RASAL2: variants seen among roughly 807,000 people sequenced by gnomAD.
RASAL2 encodes RAS protein activator like 2, also known as ras GTPase-activating protein nGAP.
In RASAL2, 58 loss-of-function variants were observed where a neutral mutation model predicts 128.9. The observed-to-expected ratio is 0.45, with a 90% CI of 0.36 to 0.56. RASAL2 has a LOEUF of 0.56. Among genes scored for constraint, RASAL2 ranks in the 20% least tolerant of loss-of-function variants. The probability of loss-of-function intolerance (pLI) is 0.00; values close to 1 mark genes in which losing one functional copy is unlikely to be tolerated. For synonymous variants in RASAL2, 561 were observed against 580.8 expected (o/e 0.97, Z 0.49); for missense variants, 1,360 against 1,601.6 (o/e 0.85, Z 2.57).
intron 9 of RASAL2, among the ~76,000 whole-genome samples, chr1:178,450,902 T>C (rs1025135658): frequency 6.6e-6 from 1 of 152,200 alleles, no homozygotes; most frequent in African/African-American, 2.4e-5. Context: ...ATACAAGGTA[T>C]GGTGTATACT....
intron 1 of RASAL2, among the ~76,000 whole-genome samples, chr1:178,242,423 T>TTCTCTCTCTC (rs58914415): frequency 2.3e-5 from 2 of 85,174 alleles, no homozygotes; most frequent in Non-Finnish European, 4.7e-5. Context: ...TTATAATTCA[T>TTCTCTCTCTC]TCTCTCTCTC....
intron 4 of RASAL2, among the ~76,000 whole-genome samples, chr1:178,398,334 T>G (rs1264019753): frequency 6.6e-6 from 1 of 152,170 alleles, no homozygotes; most frequent in Non-Finnish European, 1.5e-5. Context: ...TATCAACAAA[T>G]TTTTATATCT....
intron 3 of RASAL2, among the ~76,000 whole-genome samples, chr1:178,368,840 G>A (rs1209876100): frequency 6.6e-6 from 1 of 151,934 alleles, no homozygotes; most frequent in East Asian, 1.9e-4. Context: ...GTCTCACTAT[G>A]TTGCCCATGG....
chr1:178,200,686 G>T (rs944175613), intron 1 of RASAL2, among the ~76,000 whole-genome samples: 1 of 152,170 alleles, frequency 6.6e-6, no homozygotes, highest in Non-Finnish European at 1.5e-5. Context: ...GCCTCGCCAG[G>T]TGTCTACTAT....
intron 3 of RASAL2, among the ~76,000 whole-genome samples, chr1:178,301,666 C>T (rs1667771648): frequency 6.6e-6 from 1 of 152,146 alleles, no homozygotes. Flanking sequence ...CTCCCGACCA[C>T]TGATGATCTG....
chr1:178,094,590 A>G lies in RASAL2; in HGVS notation c.98A>G (p.Asp33Gly), dbSNP rs1486438975. The G allele has an allele frequency of 3.7e-6, 6 of 1,610,526 alleles. No homozygotes were observed. The highest frequency in any genetic ancestry group is 2.2e-5 in the South Asian group (2 of 90,334). ...TCCGACTCGCCGCTGCCCCCGGAGGACCTGGACGCGGTTGTCCCAGTCAGT... is the reference window on the plus strand; with the variant it reads ...TCCGACTCGCCGCTGCCCCCGGAGGGCCTGGACGCGGTTGTCCCAGTCAGT... Reference protein sequence around the residue: ...LESDSPLPPEDLDAVVPVSGA... With the variant: ...LESDSPLPPEGLDAVVPVSGA... The change falls in exon 1 of 18, where the codon GAC becomes GGC. Residue 33 changes from aspartate to glycine, a missense_variant. Physicochemically the swap from Asp to Gly is moderately conservative, Grantham distance 94. Coordinates refer to ENST00000367649, the MANE Select transcript of RASAL2 (RefSeq NM_170692.4).
chr1:178,237,813 T>C (rs1664321343), intron 1 of RASAL2, among the ~76,000 whole-genome samples: 1 of 152,154 alleles, frequency 6.6e-6, no homozygotes, highest in Non-Finnish European at 1.5e-5. Context: ...ACCATCACCA[T>C]CATCCATCTC....
At chr1:178,413,211 C>G (rs929617825) in intron 4 of RASAL2, among the ~76,000 whole-genome samples, 2 of 152,198 alleles carry the variant, frequency 1.3e-5, no homozygotes, top group Admixed American at 6.5e-5. Flanking sequence ...CCGCCTGCCT[C>G]AGCCTCCCAA....
intron 1 of RASAL2, among the ~76,000 whole-genome samples, chr1:178,262,056 C>CT (rs1157116867): frequency 6.6e-6 from 1 of 152,002 alleles, no homozygotes; most frequent in East Asian, 1.9e-4. Flanking sequence ...TCTTAATCCT[C>CT]TTTTTTTGGT....
intron 1 of RASAL2, among the ~76,000 whole-genome samples, chr1:178,124,789 ACTCT>A (rs780152915): frequency 3.3e-5 from 5 of 152,010 alleles, no homozygotes; most frequent in Non-Finnish European, 2.9e-5. Flanking sequence ...TTTGGGAGAG[ACTCT>A]CTAATTTTAT....
At chr1:178,218,801 G>A (rs929871537) in intron 1 of RASAL2, among the ~76,000 whole-genome samples, 7 of 152,226 alleles carry the variant, frequency 4.6e-5, no homozygotes, top group African/African-American at 1.7e-4. Flanking sequence ...CGGGCCCTAG[G>A]ATTTTTTGGA....
At chr1:178,410,926 T>C (rs1304404401) in intron 4 of RASAL2, among the ~76,000 whole-genome samples, 1 of 152,150 alleles carries the variant, frequency 6.6e-6, no homozygotes, top group African/African-American at 2.4e-5. Flanking sequence ...CTGATGAGAA[T>C]GTAAACTAGT....
intron 5 of RASAL2, among the ~76,000 whole-genome samples, chr1:178,437,610 C>A (rs1330756463): frequency 6.6e-6 from 1 of 152,046 alleles, no homozygotes; most frequent in Non-Finnish European, 1.5e-5. Context: ...GAAGCTCACC[C>A]CAGAGCATGA....
chr1:178,225,113 G>A (rs60762659), intron 1 of RASAL2, among the ~76,000 whole-genome samples: 2,047 of 151,998 alleles, frequency 0.013, 48 homozygotes, highest in African/African-American at 0.046. Context: ...GGCTTTGTTG[G>A]ATTATTTATA....
chr1:178,438,881 C>CTGTGTGTGTGTGTGTGTGTG (rs3042589), intron 5 of RASAL2, among the ~76,000 whole-genome samples: 20 of 129,466 alleles, frequency 1.5e-4, no homozygotes, highest in East Asian at 5.3e-4. Flanking sequence ...AGCTTCGACT[C>CTGTGTGTGTGTGTGTGTGTG]TGTGTGTGTG....
chr1:178,361,945 A>T (rs1377132154), intron 3 of RASAL2, among the ~76,000 whole-genome samples: 1 of 151,954 alleles, frequency 6.6e-6, no homozygotes, highest in Non-Finnish European at 1.5e-5. Flanking sequence ...GATCCCTTGC[A>T]TGTACGGTTT....
intron 3 of RASAL2, among the ~76,000 whole-genome samples, chr1:178,314,868 C>A (rs574360948): frequency 3.5e-4 from 53 of 150,354 alleles, no homozygotes; most frequent in African/African-American, 1.3e-3. Flanking sequence ...ATACATGTGC[C>A]ATGCTGGTGC....
At chr1:178,334,495 C>A (rs961902607) in intron 3 of RASAL2, among the ~76,000 whole-genome samples, 2 of 151,974 alleles carry the variant, frequency 1.3e-5, no homozygotes, top group African/African-American at 4.8e-5. Flanking sequence ...TGCGCCACCA[C>A]GCCTTGCTAA....
intron 12 of RASAL2, 58 bp downstream of exon 12, chr1:178,454,706 C>G: frequency 1.4e-6 from 2 of 1,470,894 alleles, no homozygotes; most frequent in Admixed American, 1.7e-5. Flanking sequence ...TGGAAAGTAA[C>G]TATAGAGTGA....
Sources: allele counts gnomAD v4.1 joint callset (sites outside exome capture counted in the v4.1 genomes callset), GRCh38; gene constraint gnomAD v4.1.1; transcripts MANE v1.5; gene names NCBI Gene and HGNC (gene_info 2026-07-23, HGNC 2026-07-21).